Variants in CACNA1B observed in about 807,000 individuals in gnomAD.
The protein encoded by CACNA1B is voltage-dependent N-type calcium channel subunit alpha-1B.
A neutral mutation model predicts 247.2 loss-of-function variants in CACNA1B; 70 were observed. That is an observed-to-expected ratio of 0.28 (90% CI 0.23 to 0.35). The LOEUF is 0.35. CACNA1B is among the 10% of genes least tolerant of loss of function. The pLI is 1.00. For synonymous variants in CACNA1B, 1,231 were observed against 1,294.4 expected (o/e 0.95, Z 1.05); for missense variants, 2,367 against 3,197.4 (o/e 0.74, Z 6.26).
intron 12 of CACNA1B, among the ~76,000 whole-genome samples, chr9:137,977,607 C>G (rs1178681835): frequency 2.0e-5 from 3 of 152,126 alleles, no homozygotes; most frequent in Non-Finnish European, 2.9e-5. Context: ...AGGACACTTC[C>G]TGGGACCTGA....
At chr9:137,908,286 C>T (rs1166939458) in intron 3 of CACNA1B, among the ~76,000 whole-genome samples, 7 of 152,186 alleles carry the variant, frequency 4.6e-5, no homozygotes, top group Admixed American at 1.3e-4. Flanking sequence ...GAGGCTGAGG[C>T]GGGCGGATCA....
intron 3 of CACNA1B, among the ~76,000 whole-genome samples, chr9:137,900,422 GC>G (rs1957220917): frequency 6.6e-6 from 1 of 152,070 alleles, no homozygotes; most frequent in South Asian, 2.1e-4. Flanking sequence ...TTGTGTCTCT[GC>G]TGTGTGTGTC....
intron 18 of CACNA1B, among the ~76,000 whole-genome samples, chr9:138,022,384 C>G (rs1246098315): frequency 6.6e-6 from 1 of 152,148 alleles, no homozygotes; most frequent in East Asian, 1.9e-4. Context: ...TGCGTTTGCT[C>G]CTGAAAGGGC....
intron 37 of CACNA1B, among the ~76,000 whole-genome samples, chr9:138,101,529 T>C (rs1242084884): frequency 6.6e-6 from 1 of 152,216 alleles, no homozygotes; most frequent in South Asian, 2.1e-4. Flanking sequence ...AGTGAGCTGA[T>C]GGTCAGGCCA....
intron 20 of CACNA1B, among the ~76,000 whole-genome samples, chr9:138,031,782 G>C (rs901453886): frequency 7.2e-5 from 11 of 152,042 alleles, no homozygotes; most frequent in African/African-American, 2.7e-4. Context: ...AATCTTCTTT[G>C]CTCTGCAGTC....
chr9:137,887,117 G>A (rs1473115415), intron 3 of CACNA1B, among the ~76,000 whole-genome samples: 2 of 152,048 alleles, frequency 1.3e-5, no homozygotes, highest in East Asian at 2.0e-4. Context: ...AGCAGCGGAG[G>A]TGTGCCTGGC....
chr9:137,965,810 T>TC (rs1216150229), intron 10 of CACNA1B, among the ~76,000 whole-genome samples: 6 of 152,126 alleles, frequency 3.9e-5, no homozygotes, highest in Non-Finnish European at 8.8e-5. Flanking sequence ...GGTCTTGAAC[T>TC]CTGACCTCAT....
At chr9:138,119,888 A>G (rs1962019402) in intron 44 of CACNA1B, among the ~76,000 whole-genome samples, 1 of 152,200 alleles carries the variant, frequency 6.6e-6, no homozygotes, top group East Asian at 1.9e-4. Flanking sequence ...TGCAGCCAGC[A>G]GAGGCGTCTC....
chr9:137,923,840 T>C (rs1957519220), intron 6 of CACNA1B, among the ~76,000 whole-genome samples: 1 of 152,208 alleles, frequency 6.6e-6, no homozygotes, highest in African/African-American at 2.4e-5. Flanking sequence ...GCCATTCTGA[T>C]AGGGGTATAG....
At chr9:138,053,383 C>G (rs1959363983) in intron 25 of CACNA1B, among the ~76,000 whole-genome samples, 1 of 152,210 alleles carries the variant, frequency 6.6e-6, no homozygotes, top group African/African-American at 2.4e-5. Flanking sequence ...GTCAAGGAAG[C>G]TGGCGGTGGA....
intron 12 of CACNA1B, among the ~76,000 whole-genome samples, chr9:137,982,028 A>G (rs10735530): frequency 0.33 from 49,502 of 152,120 alleles, 10,476 homozygotes; most frequent in East Asian, 0.66. Flanking sequence ...TTTTATCACA[A>G]CATCACCCCA....
At position 137,935,782 on chromosome 9, in the gene CACNA1B, CTTTTTT is replaced by C. The variant is rs71387877; in HGVS notation, c.967-16485_967-16480del. Among the ~76,000 whole-genome samples the C allele has an allele frequency of 2.9e-3, 430 of 146,732 alleles. 1 individual carries two copies. Among genetic ancestry groups the C allele is most frequent in the Non-Finnish European group, 5.1e-3 (339 of 66,194 alleles). ...AGCACCTGCTGTTTCCTGACTTTTT[CTTTTTT>C]TTTTTTGACGGAGTCTCACTCTGTT... On this transcript the variant is annotated intron_variant, in intron 6 of 46. Coordinates refer to ENST00000371372, the MANE Select transcript of CACNA1B (RefSeq NM_000718.4).
Position 138,058,610 on chromosome 9 carries a change from A to G in CACNA1B, c.4350A>G (p.Thr1450=), listed in dbSNP as rs778960660. Residue 1450 remains threonine, a synonymous_variant, in exon 29 of 47, where the codon ACA becomes ACG. Coordinates refer to ENST00000371372, the MANE Select transcript of CACNA1B (RefSeq NM_000718.4). This position sits in a 1 kb window ranked among gnomAD's most constrained non-coding sequence, Gnocchi z 4.7. Reference sequence around the variant, plus strand: ...TCGCCATCAGCGCCAAACCCCTGACACGGTACATGCCCCAAAACCGGCAGT... The same window carrying G: ...TCGCCATCAGCGCCAAACCCCTGACGCGGTACATGCCCCAAAACCGGCAGT... ...IDFAISAKPL[T]RYMPQNRQSF... is the part of the protein sequence containing the mutation. 1 of 1,613,826 alleles carries G rather than the reference A, an allele frequency of 6.2e-7. No individual in the cohort carries two copies. The highest frequency in any genetic ancestry group is 8.5e-7 in the Non-Finnish European group (1 of 1,179,842).
chr9:138,118,530 G>A, intron 43 of CACNA1B, 122 bp from the exon 44 acceptor site: 1 of 608,228 alleles, frequency 1.6e-6, no homozygotes, highest in Non-Finnish European at 3.0e-6. Flanking sequence ...AGCAGTGGGA[G>A]TTAGGTGAGA....
rs200775337 is a variant in CACNA1B, at chr9:137,917,303, G to A, written c.838G>A (p.Asp280Asn). The A allele has an allele frequency of 4.3e-6, 7 of 1,613,842 alleles. No homozygotes were observed. Among genetic ancestry groups the A allele is most frequent in the African/African-American group, 2.7e-5 (2 of 74,928 alleles). The part of the protein sequence containing the change: ...KEAPARLCEG[D>N]TECREYWPGP... ...GGCCCCAGCCCGGCTGTGCGAGGGC[G>A]ACACTGAGTGCCGGGAGTACTGGCC... is the stretch of plus-strand genomic sequence containing the variant. The change falls in exon 6 of 47, where the codon GAC (aspartate) becomes AAC (asparagine). Residue 280 changes from aspartate (D) to asparagine (N), a missense_variant. Asp to Asn is a conservative substitution (Grantham distance 23). This residue lies in a region of CACNA1B where 130 missense variants were observed against 338.7 expected (regional missense o/e 0.38). Transcript: ENST00000371372. This position sits in a 1 kb window ranked among gnomAD's most constrained non-coding sequence, Gnocchi z 5.5.
intron 3 of CACNA1B, among the ~76,000 whole-genome samples, chr9:137,885,313 C>G (rs867692193): frequency 6.6e-6 from 1 of 152,208 alleles, no homozygotes; most frequent in Middle Eastern, 3.4e-3. Flanking sequence ...ACACGTGAAC[C>G]CCTGTGTGCG....
At chr9:137,945,367 G>A (rs1957782866) in intron 6 of CACNA1B, among the ~76,000 whole-genome samples, 1 of 152,184 alleles carries the variant, frequency 6.6e-6, no homozygotes, top group Non-Finnish European at 1.5e-5. Context: ...GTGGCCATCT[G>A]GAAAAACTCT....
At chr9:138,042,745 G>A (rs1006721948) in intron 20 of CACNA1B, among the ~76,000 whole-genome samples, 3 of 152,136 alleles carry the variant, frequency 2.0e-5, no homozygotes, top group Admixed American at 6.5e-5. Flanking sequence ...CCACTGCTGT[G>A]GCCTTCGCTG....
chr9:137,895,243 T>C (rs1353899111), intron 3 of CACNA1B, among the ~76,000 whole-genome samples: 1 of 152,230 alleles, frequency 6.6e-6, no homozygotes, highest in Non-Finnish European at 1.5e-5. Context: ...ATCACGGTAG[T>C]TATGTAATAA....
Sources: allele counts gnomAD v4.1 joint callset (sites outside exome capture counted in the v4.1 genomes callset), GRCh38; gene constraint gnomAD v4.1.1; regional missense constraint gnomAD v4.1.1; non-coding constraint Gnocchi (gnomAD v3.1); transcripts MANE v1.5; gene names NCBI Gene and HGNC (gene_info 2026-07-23, HGNC 2026-07-21).